Variants in LRRC7 observed in about 807,000 individuals in gnomAD.
The protein encoded by LRRC7 is leucine-rich repeat-containing protein 7.
LRRC7 carries 23 observed loss-of-function variants against 175.7 expected under a neutral mutation model. That is an observed-to-expected ratio of 0.13 (90% CI 0.09 to 0.19). The LOEUF is 0.19. LRRC7 is among the 10% of genes least tolerant of loss of function. The probability of loss-of-function intolerance (pLI) is 1.00; values close to 1 mark genes in which losing one functional copy is unlikely to be tolerated. For synonymous variants in LRRC7, 685 were observed against 680.9 expected, an observed-to-expected ratio of 1.01 and a Z score of -0.09; for missense variants, 1,354 against 1,904.7, an observed-to-expected ratio of 0.71 and a Z score of 5.38.
intron 1 of LRRC7, among the ~76,000 whole-genome samples, chr1:69,586,418 C>T (rs1646405313): frequency 6.6e-6 from 1 of 151,992 alleles, no homozygotes; most frequent in African/African-American, 2.4e-5. Context: ...ATTGATGGTA[C>T]ATGGCAAAAT....
chr1:70,066,346 C>A (rs1175087675), intron 23 of LRRC7, among the ~76,000 whole-genome samples: 1 of 151,978 alleles, frequency 6.6e-6, no homozygotes, highest in Non-Finnish European at 1.5e-5. Flanking sequence ...GAATAAAACT[C>A]AGGTTCATTT....
chr1:69,804,938 T>C (rs1397073150), intron 4 of LRRC7, among the ~76,000 whole-genome samples: 1 of 151,772 alleles, frequency 6.6e-6, no homozygotes, highest in African/African-American at 2.4e-5. Flanking sequence ...TCAAGTCTGA[T>C]TGTTGATTTG....
intron 1 of LRRC7, among the ~76,000 whole-genome samples, chr1:69,606,567 T>C (rs566248516): frequency 6.6e-6 from 1 of 152,266 alleles, no homozygotes; most frequent in Non-Finnish European, 1.5e-5. Context: ...CAAATAGTTT[T>C]AAATTAGTAT....
chr1:69,655,918 A>G (rs1656543959), intron 1 of LRRC7, among the ~76,000 whole-genome samples: 1 of 152,058 alleles, frequency 6.6e-6, no homozygotes, highest in African/African-American at 2.4e-5. Context: ...TATCTATTTG[A>G]AAAGCCTGTA....
intron 1 of LRRC7, among the ~76,000 whole-genome samples, chr1:69,633,288 A>G (rs1373983817): frequency 2.6e-5 from 4 of 152,064 alleles, no homozygotes; most frequent in African/African-American, 9.7e-5. Flanking sequence ...TATACAGATT[A>G]TATGTTAATG....
At chr1:69,697,599 A>T (rs567243868) in intron 2 of LRRC7, among the ~76,000 whole-genome samples, 6 of 152,342 alleles carry the variant, frequency 3.9e-5, no homozygotes, top group Non-Finnish European at 8.8e-5. Flanking sequence ...GGGGCTATAC[A>T]CTAATGATAA....
intron 1 of LRRC7, among the ~76,000 whole-genome samples, chr1:69,658,169 C>A (rs1656929251): frequency 6.6e-6 from 1 of 151,820 alleles, no homozygotes; most frequent in Non-Finnish European, 1.5e-5. Flanking sequence ...TTTGCTACTT[C>A]CTGTCTGTGT....
chr1:69,878,506 C>T (rs1293910011), intron 7 of LRRC7, among the ~76,000 whole-genome samples: 4 of 152,116 alleles, frequency 2.6e-5, no homozygotes, highest in Non-Finnish European at 5.9e-5. Flanking sequence ...ACTTAGGTGG[C>T]ATGATGAGGT....
intron 2 of LRRC7, among the ~76,000 whole-genome samples, chr1:69,753,768 A>C (rs1670104402): frequency 6.6e-6 from 1 of 152,062 alleles, no homozygotes; most frequent in Admixed American, 6.6e-5. Context: ...GCCTCATAAA[A>C]CTTTCAATCT....
At position 70,053,139 on chromosome 1, in the gene LRRC7, T is replaced by G; in HGVS notation, c.4224T>G (p.Thr1408=). ...GGGATGTACCTCCGGACACCATTAC[T>G]AAGAAGGTAACCAATTTTTAATTAA... ...GRRDVPPDTI[T]KKAGSHIQTL... Residue 1408 remains threonine, a synonymous_variant, in exon 23 of 27, where the codon ACT becomes ACG. Coordinates refer to ENST00000651989, the MANE Select transcript of LRRC7 (RefSeq NM_001370785.2). 6.2e-7 allele frequency: 1 copy of G among 1,603,440 alleles called. No individual in the cohort carries two copies. Among genetic ancestry groups the G allele is most frequent in the East Asian group, 2.3e-5 (1 of 44,424 alleles).
chr1:69,910,380 G>C (rs1646484854), intron 7 of LRRC7, among the ~76,000 whole-genome samples: 1 of 152,152 alleles, frequency 6.6e-6, no homozygotes, highest in African/African-American at 2.4e-5. Context: ...TGTCCTTTCT[G>C]TTTGTTAGTT....
chr1:69,693,512 G>A (rs1662169724), intron 2 of LRRC7, among the ~76,000 whole-genome samples: 1 of 152,210 alleles, frequency 6.6e-6, no homozygotes, highest in Non-Finnish European at 1.5e-5. Context: ...TAAAAGCTAT[G>A]TGCTAGCAGA....
intron 5 of LRRC7, among the ~76,000 whole-genome samples, chr1:69,828,975 C>T (rs1222900730): frequency 1.3e-5 from 2 of 151,714 alleles, no homozygotes; most frequent in East Asian, 1.9e-4. Flanking sequence ...TCTTAATTTG[C>T]CTATTCCAAT....
At chr1:69,643,960 T>C (rs1654622741) in intron 1 of LRRC7, among the ~76,000 whole-genome samples, 1 of 152,052 alleles carries the variant, frequency 6.6e-6, no homozygotes, top group Admixed American at 6.6e-5. Flanking sequence ...CACAAACAAA[T>C]TAAAAATATT....
chr1:69,568,135 TC>T lies in LRRC7; in HGVS notation c.-503del, dbSNP rs1208917940. Among the ~76,000 whole-genome samples, 1 of 152,036 alleles carries T rather than the reference TC, an allele frequency of 6.6e-6. No individual in the cohort carries two copies. The highest frequency in any genetic ancestry group is 2.4e-5 in the African/African-American group (1 of 41,412). ...CCCGCTGCGCCCTGGCCCCTGGGGA[TC>T]CTCGCCCTGCACAGGCGCGGCAACG... On this transcript the variant is annotated 5_prime_UTR_variant, in exon 1 of 27. Coordinates refer to ENST00000651989, the MANE Select transcript of LRRC7 (RefSeq NM_001370785.2).
chr1:70,064,577 C>T (rs1341741791), intron 23 of LRRC7, among the ~76,000 whole-genome samples: 1 of 151,818 alleles, frequency 6.6e-6, no homozygotes, highest in African/African-American at 2.4e-5. Context: ...TGTTAAATAA[C>T]CTCAACACCA....
chr1:70,041,071 G>T (rs898117622), intron 21 of LRRC7, among the ~76,000 whole-genome samples: 1 of 152,048 alleles, frequency 6.6e-6, no homozygotes, highest in Non-Finnish European at 1.5e-5. Context: ...GTGAAAATGG[G>T]GCTTTTTGTT....
intron 3 of LRRC7, among the ~76,000 whole-genome samples, chr1:69,786,413 C>T (rs1674424656): frequency 6.6e-6 from 1 of 151,480 alleles, no homozygotes; most frequent in African/African-American, 2.4e-5. Context: ...CCTTTCTGTC[C>T]TCCATTCTTT....
chr1:69,724,058 A>G (rs1666657156), intron 2 of LRRC7, among the ~76,000 whole-genome samples: 1 of 152,208 alleles, frequency 6.6e-6, no homozygotes, highest in Admixed American at 6.5e-5. Context: ...CATGTTCTGG[A>G]GTTGAATTGT....
Sources: allele counts gnomAD v4.1 joint callset (sites outside exome capture counted in the v4.1 genomes callset), GRCh38; gene constraint gnomAD v4.1.1; transcripts MANE v1.5; gene names NCBI Gene and HGNC (gene_info 2026-07-23, HGNC 2026-07-21).